The following THBS3 variants were observed in gnomAD, a reference collection of about 807,000 sequenced individuals.
THBS3 encodes the protein thrombospondin-3.
Under a neutral mutation model 118.3 loss-of-function variants are expected in THBS3, and 78 were observed. The ratio of observed to expected loss-of-function variants is 0.66; its 90% confidence interval spans 0.55 to 0.80. The LOEUF (loss-of-function observed/expected upper bound fraction) is 0.80. Ranked by LOEUF, THBS3 falls within the 30% of genes least tolerant of loss-of-function variation. The pLI, the probability that THBS3 is intolerant of heterozygous loss-of-function variation, is 0.00. For missense variants in THBS3, 1,057 were observed against 1,247.4 expected (o/e 0.85, Z 2.30); for synonymous variants, 427 against 475.3 (o/e 0.90, Z 1.32).
Position 155,201,868 on chromosome 1 carries a change from G to C in THBS3, c.1176+89C>G. ...TGTAGTGCCCTGGGGAGGAGGAAAG[G>C]CAGCAGGAAATTTGAAGGTAAGAAG... On this transcript the variant is annotated intron_variant, in intron 10 of 22. Coordinates refer to ENST00000368378, the MANE Select transcript of THBS3 (RefSeq NM_007112.5). 1.9e-6 allele frequency: 3 copies of C among 1,577,040 alleles called. No individual in the cohort carries two copies. In the South Asian group the frequency reaches 3.3e-5, roughly 18 times the overall value.
chr1:155,199,518 C>G (rs1464296441), intron 16 of THBS3, among the ~76,000 whole-genome samples: 1 of 152,032 alleles, frequency 6.6e-6, no homozygotes, highest in African/African-American at 2.4e-5. Flanking sequence ...CTTTGGGAGG[C>G]AGAGGCTGGC....
chr1:155,195,761 C>G lies in THBS3; in HGVS notation c.*80G>C. The G allele has an allele frequency of 6.7e-7, 1 of 1,500,524 alleles. No homozygotes were observed. Among genetic ancestry groups the G allele is most frequent in the Admixed American group, 1.7e-5 (1 of 59,220 alleles). 93.0% of individuals were successfully genotyped at this position (1,500,524 alleles called of 1,614,324 possible). ...TCTGTGGTTGGCTGAGGGGCTGTAG[C>G]TTAGACCTCAGGGTCTCCAGGATGG... is the stretch of plus-strand genomic sequence containing the variant. On this transcript the variant is annotated 3_prime_UTR_variant, in exon 23 of 23. Coordinates refer to ENST00000368378, the MANE Select transcript of THBS3 (RefSeq NM_007112.5).
In THBS3 at chr1:155,201,133, T is replaced by A; in HGVS notation, c.1401A>T (p.Gln467His). Residue 467 changes from glutamine (Q) to histidine (H), a missense_variant, in exon 12 of 23, where the codon CAA becomes CAT. By Grantham distance (24) the Gln-to-His change is conservative. Around this residue, in one of 3 missense-constraint regions of THBS3, gnomAD observed 544 missense variants for 715.6 expected, o/e 0.76. Transcript: ENST00000368378. The part of the protein sequence containing the change: ...TDTDIDGYPD[Q>H]ALPCMDNNKH... ...TGTTGTTGTCCATGCAGGGCAGTGC[T>A]TGGTCTGGGTAGCCATCGATGTCTG... The A allele has an allele frequency of 6.2e-7, 1 of 1,614,232 alleles. No homozygotes were observed. The highest frequency in any genetic ancestry group is 8.5e-7 in the Non-Finnish European group (1 of 1,180,048).
rs753496058 is a variant in THBS3 at position 155,200,417 on chromosome 1, T to TCC, written c.1708+32_1708+33dup. On this transcript the variant is annotated intron_variant, in intron 14 of 22. Coordinates refer to ENST00000368378, the MANE Select transcript of THBS3 (RefSeq NM_007112.5). Reference sequence around the variant, plus strand: ...CCCACCTGATCCAAATTCTCACAGGTCCCCCAGCCACCCCTTCAGCCCCAG... The same window carrying TCC: ...CCCACCTGATCCAAATTCTCACAGGTCCCCCCCAGCCACCCCTTCAGCCCCAG... 1.9e-6 allele frequency: 3 copies of TCC among 1,602,398 alleles called. No homozygotes were observed. In the South Asian group the frequency reaches 3.3e-5, roughly 18 times the overall value.
Position 155,203,146 on chromosome 1 carries a change from G to A in THBS3, c.757-9C>T, listed in dbSNP as rs1168378715. The A allele has an allele frequency of 2.5e-6, 4 of 1,614,228 alleles. No homozygotes were observed. The highest frequency in any genetic ancestry group is 1.3e-5 in the African/African-American group (1 of 75,060). On this transcript the variant is annotated splice_polypyrimidine_tract_variant and intron_variant, in intron 6 of 22. Coordinates refer to ENST00000368378, the MANE Select transcript of THBS3 (RefSeq NM_007112.5). Reference sequence around the variant, plus strand: ...AGGGACATTTCCTTCACCTGGAGAAGGATGGGGAGGAGTCAGCACTTGACA... The same window carrying A: ...AGGGACATTTCCTTCACCTGGAGAAAGATGGGGAGGAGTCAGCACTTGACA...
Position 155,201,946 on chromosome 1 carries a change from A to G in THBS3, c.1176+11T>C, listed in dbSNP as rs150742648. The stretch of plus-strand genomic sequence containing the variant: ...CACCACCCCAGAATACACTCAGGAT[A>G]TTCAGCTCACCACAGTGTTGGTGCA... On this transcript the variant is annotated intron_variant, in intron 10 of 22. Coordinates refer to ENST00000368378, the MANE Select transcript of THBS3 (RefSeq NM_007112.5). The G allele has an allele frequency of 2.6e-4, 420 of 1,613,958 alleles. 3 individuals are homozygous for G. In the East Asian group the frequency reaches 9.2e-3, roughly 35 times the overall value.
intron 10 of THBS3, 132 bp downstream of exon 10, chr1:155,201,825 A>G: frequency 7.4e-7 from 1 of 1,359,276 alleles, no homozygotes. Context: ...AACCAAGTCC[A>G]TGTGAACACC....
upstream of THBS3, chr1:155,209,079 GC>G (rs1670944492): frequency 1.3e-6 from 2 of 1,540,624 alleles, no homozygotes; most frequent in East Asian, 4.9e-5. Context: ...GAGGCCCGCG[GC>G]CCAGTCCCCC....
In THBS3 at chr1:155,202,726, G is replaced by C; in HGVS notation, c.957+86C>G. The C allele has an allele frequency of 6.6e-7, 1 of 1,517,328 alleles. No individual in the cohort carries two copies. The highest frequency in any genetic ancestry group is 8.9e-7 in the Non-Finnish European group (1 of 1,128,274). 94.0% of individuals were successfully genotyped at this position (1,517,328 alleles called of 1,614,324 possible). A position where few individuals can be genotyped will look rare whatever the true frequency, so the allele number is the denominator to read the frequency against. On this transcript the variant is annotated intron_variant, in intron 8 of 22. Transcript: ENST00000368378. The surrounding 1 kb of genome is among the most constrained non-coding windows in gnomAD (Gnocchi z 5.5). ...CTAAACTCCAGATTCCTCTCCTCCG[G>C]ACCAGCATTTATCCCACCCTCTTGG...
Position 155,199,174 on chromosome 1 carries a change from G to A in THBS3, c.1881-572C>T, listed in dbSNP as rs1476904193. On this transcript the variant is annotated intron_variant, in intron 16 of 22. Coordinates refer to ENST00000368378, the MANE Select transcript of THBS3 (RefSeq NM_007112.5). ...GCCTGTAATCCCAGCACTTTGGGAG[G>A]CTGAGGCAGGCAAATCACGAGATCA... Among the ~76,000 whole-genome samples the A allele has an allele frequency of 7.9e-5, 12 of 151,880 alleles. No homozygotes were observed. The East Asian group carries it at 2.3e-3, about 29-fold the overall frequency.
rs1483609266 is a variant in THBS3, at chr1:155,201,169, A to AG, written c.1364_1365insC (p.Gly456TrpfsTer3). 6.2e-7 allele frequency: 1 copy of AG among 1,614,132 alleles called. No homozygotes were observed. Among genetic ancestry groups the AG allele is most frequent in the East Asian group, 2.2e-5 (1 of 44,890 alleles). Reference sequence around the variant, plus strand: ...AGCCATCGATGTCTGTGTCAGTCCCACACACGTTCCCATTCCCAGCCCAGC... The same window carrying AG: ...AGCCATCGATGTCTGTGTCAGTCCCAGCACACGTTCCCATTCCCAGCCCAGC... On this transcript the variant is annotated frameshift_variant, in exon 12 of 23. Transcript: ENST00000368378. LOFTEE classifies it high-confidence loss of function.
intron 16 of THBS3, 62 bp from the exon 17 acceptor site, chr1:155,198,664 T>C (rs1393870175): frequency 6.5e-7 from 1 of 1,533,184 alleles, no homozygotes; most frequent in African/African-American, 1.4e-5. Context: ...TTCCCTTCGC[T>C]TCTGCCTGGG....
At position 155,197,343 on chromosome 1, in the gene THBS3, G is replaced by A; in HGVS notation, c.2499+120C>T. The A allele has an allele frequency of 6.6e-7, 1 of 1,515,976 alleles. No homozygotes were observed. The highest frequency in any genetic ancestry group is 9.0e-7 in the Non-Finnish European group (1 of 1,115,986). 93.9% of individuals were successfully genotyped at this position (1,515,976 alleles called of 1,614,324 possible). Reference sequence around the variant, plus strand: ...AATGCCCTGGGGCCCCAGAGAGCCGGCCTCCAAGCCAGATGTCTGGGTAAG... The same window carrying A: ...AATGCCCTGGGGCCCCAGAGAGCCGACCTCCAAGCCAGATGTCTGGGTAAG... On this transcript the variant is annotated intron_variant, in intron 20 of 22. Coordinates refer to ENST00000368378, the MANE Select transcript of THBS3 (RefSeq NM_007112.5). This position sits in a 1 kb window ranked among gnomAD's most constrained non-coding sequence, Gnocchi z 5.0.
At chr1:155,204,988 A>G (rs1475023690) in intron 3 of THBS3, 31 bp from the exon 4 acceptor site, 1 of 1,613,596 alleles carries the variant, frequency 6.2e-7, no homozygotes, top group African/African-American at 1.3e-5. Flanking sequence ...TAAGGTGGGA[A>G]GGTCTACCAA....
chr1:155,207,060 G>A (rs1364257822), intron 1 of THBS3, among the ~76,000 whole-genome samples: 3 of 152,170 alleles, frequency 2.0e-5, no homozygotes, highest in Admixed American at 6.5e-5. Context: ...CACAGGAGTG[G>A]CACCTGGTGT....
Position 155,200,581 on chromosome 1 carries a change from G to A in THBS3, c.1578C>T (p.Asp526=). The A allele has an allele frequency of 3.1e-6, 5 of 1,614,148 alleles. No homozygotes were observed. In the South Asian group the frequency reaches 4.4e-5, roughly 14 times the overall value. ...EDNCRLFPNK[D]QQNSDTDSFG... is the part of the protein sequence containing the mutation. The stretch of plus-strand genomic sequence containing the variant: ...ATGAATCTGTATCTGAGTTCTGCTG[G>A]TCTTTGTTGGGGAACAGCCGGCAGT... Residue 526 remains aspartate (D), a synonymous_variant, in exon 14 of 23, where the codon GAC becomes GAT. Coordinates refer to ENST00000368378, the MANE Select transcript of THBS3 (RefSeq NM_007112.5).
intron 10 of THBS3, 145 bp downstream of exon 10, chr1:155,201,812 C>A: frequency 7.8e-7 from 1 of 1,279,296 alleles, no homozygotes. Context: ...AACCAGTATT[C>A]CAAACCAAGT....
Position 155,198,167 on chromosome 1 carries a change from C to T in THBS3, c.2128G>A (p.Asp710Asn), listed in dbSNP as rs1669010167. 1 of 1,614,156 alleles carries T rather than the reference C, an allele frequency of 6.2e-7. No homozygotes were observed. The highest frequency in any genetic ancestry group is 8.5e-7 in the Non-Finnish European group (1 of 1,180,040). The change falls in exon 18 of 23, where the codon GAC (aspartate) becomes AAC (asparagine). Residue 710 changes from aspartate (D) to asparagine (N), a missense_variant. Around this residue, in one of 3 missense-constraint regions of THBS3, gnomAD observed 307 missense variants for 326.1 expected, o/e 0.94. Coordinates refer to ENST00000368378, the MANE Select transcript of THBS3 (RefSeq NM_007112.5). Reference sequence around the variant, plus strand: ...CTTTCAGGACACACATCCAGGGGGTCGACCACAGCATCATTGTCAAAGTCA... The same window carrying T: ...CTTTCAGGACACACATCCAGGGGGTTGACCACAGCATCATTGTCAAAGTCA... The part of the protein sequence containing the change: ...EDDFDNDAVV[D>N]PLDVCPESAE...
rs887009285 is a variant in THBS3 at position 155,204,725 on chromosome 1, A to G, written c.646+130T>C. ...AGTCAGGTGAAAGATTTGGAATAACAGGGTTAGAAACCCTAGGAACAGGTG... is the reference window on the plus strand; with the variant it reads ...AGTCAGGTGAAAGATTTGGAATAACGGGGTTAGAAACCCTAGGAACAGGTG... On this transcript the variant is annotated intron_variant, in intron 4 of 22. Coordinates refer to ENST00000368378, the MANE Select transcript of THBS3 (RefSeq NM_007112.5). 5 of 835,520 alleles carry G rather than the reference A, an allele frequency of 6.0e-6. No homozygotes were observed. In the African/African-American group the frequency reaches 6.8e-5, roughly 11 times the overall value. The allele number at this position is 835,520 out of a possible 1,614,324, so 51.8% of individuals were successfully genotyped here.
Sources: gnomAD v4.1 joint callset for allele counts (sites outside exome capture counted in the v4.1 genomes callset) on GRCh38, gnomAD v4.1.1 for gene constraint, gnomAD v4.1.1 regional missense constraint, Gnocchi (gnomAD v3.1) non-coding constraint, MANE v1.5 for transcripts, NCBI Gene and HGNC (gene_info 2026-07-23, HGNC 2026-07-21) for gene names.